PPARGC1A: variants seen among roughly 807,000 people sequenced by gnomAD.
PPARGC1A encodes the protein PPARG coactivator 1 alpha, also known as peroxisome proliferator-activated receptor gamma coactivator 1-alpha.
PPARGC1A carries 25 observed loss-of-function variants against 88.7 expected under a neutral mutation model. The observed-to-expected ratio is 0.28, with a 90% confidence interval of 0.21 to 0.39. The LOEUF (loss-of-function observed/expected upper bound fraction) is 0.39. Ranked by LOEUF, PPARGC1A falls within the 10% of genes least tolerant of loss-of-function variation. The pLI is 1.00. For synonymous variants in PPARGC1A, 363 were observed against 355.6 expected (o/e 1.02, Z -0.24); for missense variants, 880 against 968.7 (o/e 0.91, Z 1.22).
the PPARGC1A span, among the ~76,000 whole-genome samples, chr4:23,959,391 T>C: frequency 2.0e-5 from 3 of 152,280 alleles, no homozygotes; most frequent in South Asian, 2.1e-4. Flanking sequence ...CAGTACTTAT[T>C]ATGGCGTTAG....
chr4:23,886,856 TA>T (rs11332760), intron 1 of PPARGC1A, among the ~76,000 whole-genome samples: 40,759 of 136,166 alleles, frequency 0.3, 6,653 homozygotes, highest in East Asian at 0.7. Context: ...GCATAGTCTT[TA>T]AAAAAAAAAA....
At chr4:24,172,855 G>A in the PPARGC1A span, among the ~76,000 whole-genome samples, 1 of 152,024 alleles carries the variant, frequency 6.6e-6, no homozygotes, top group Non-Finnish European at 1.5e-5. Flanking sequence ...AGCCCTCTTG[G>A]CGACCTAAAA....
chr4:24,088,712 G>A, the PPARGC1A span, among the ~76,000 whole-genome samples: 7 of 152,186 alleles, frequency 4.6e-5, no homozygotes, highest in Non-Finnish European at 1.0e-4. Flanking sequence ...TAATGATTCA[G>A]AGATTGATTA....
the PPARGC1A span, among the ~76,000 whole-genome samples, chr4:24,281,706 A>T: frequency 6.6e-6 from 1 of 152,098 alleles, no homozygotes; most frequent in Non-Finnish European, 1.5e-5. Context: ...TCCCCTAATA[A>T]ACCAGAAGTT....
chr4:24,082,313 A>G, the PPARGC1A span, among the ~76,000 whole-genome samples: 1 of 152,144 alleles, frequency 6.6e-6, no homozygotes, highest in East Asian at 1.9e-4. Flanking sequence ...AGGAAGGATG[A>G]CCTATTTTAC....
chr4:24,027,196 A>AGTGTGTGTGTGTGTGTGT, the PPARGC1A span, among the ~76,000 whole-genome samples: 2,678 of 132,746 alleles, frequency 0.02, 48 homozygotes, highest in Middle Eastern at 0.045. Context: ...ACCTCAGGCT[A>AGTGTGTGTGTGTGTGTGT]GTGTGTGTGT....
the PPARGC1A span, among the ~76,000 whole-genome samples, chr4:23,910,847 G>T: frequency 1.3e-5 from 2 of 152,018 alleles, no homozygotes; most frequent in African/African-American, 4.8e-5. Context: ...CTGAGGCAGA[G>T]AATTAAGTAA....
At chr4:24,290,330 T>C in the PPARGC1A span, among the ~76,000 whole-genome samples, 37 of 152,266 alleles carry the variant, frequency 2.4e-4, no homozygotes, top group Non-Finnish European at 4.6e-4. Flanking sequence ...CCGAGCAGTA[T>C]ACACTGCACC....
At chr4:24,153,182 C>G in the PPARGC1A span, among the ~76,000 whole-genome samples, 2 of 152,132 alleles carry the variant, frequency 1.3e-5, no homozygotes, top group Non-Finnish European at 2.9e-5. Flanking sequence ...TGTACAATTG[C>G]TCTGTTTATA....
chr4:23,994,210 A>G, the PPARGC1A span, among the ~76,000 whole-genome samples: 48 of 152,210 alleles, frequency 3.2e-4, no homozygotes, highest in African/African-American at 1.0e-3. Flanking sequence ...TGCCCTGTCT[A>G]TGTAATTCCT....
chr4:24,265,514 G>A, the PPARGC1A span, among the ~76,000 whole-genome samples: 1 of 152,042 alleles, frequency 6.6e-6, no homozygotes, highest in African/African-American at 2.4e-5. Flanking sequence ...AAGTCACCCT[G>A]GGTTTTATTA....
chr4:24,470,200 C>A, the PPARGC1A span, among the ~76,000 whole-genome samples: 1 of 150,566 alleles, frequency 6.6e-6, no homozygotes, highest in Non-Finnish European at 1.5e-5. The surrounding 1 kb of genome is among the most constrained non-coding windows in gnomAD (Gnocchi z 5.8). Context: ...GTACCGGGTG[C>A]GTGGTTCAAG....
At chr4:24,228,346 C>G in the PPARGC1A span, among the ~76,000 whole-genome samples, 2 of 152,190 alleles carry the variant, frequency 1.3e-5, no homozygotes, top group African/African-American at 2.4e-5. Context: ...TTTGCAACAA[C>G]ATGGATGCAG....
At chr4:24,103,638 A>C in the PPARGC1A span, among the ~76,000 whole-genome samples, 1 of 149,924 alleles carries the variant, frequency 6.7e-6, no homozygotes, top group African/African-American at 2.5e-5. Flanking sequence ...ATGAACCGGA[A>C]TTATAGCTGC....
chr4:23,857,544 T>C (rs951267904), intron 2 of PPARGC1A, among the ~76,000 whole-genome samples: 2 of 151,806 alleles, frequency 1.3e-5, no homozygotes, highest in African/African-American at 4.8e-5. Context: ...CACTGTTTAG[T>C]TGGGAACAAG....
At chr4:24,306,820 A>G in the PPARGC1A span, among the ~76,000 whole-genome samples, 3 of 152,218 alleles carry the variant, frequency 2.0e-5, no homozygotes, top group African/African-American at 4.8e-5. Flanking sequence ...AGGAAGGTGG[A>G]ACAGCTAAAT....
chr4:24,393,848 G>A, the PPARGC1A span, among the ~76,000 whole-genome samples: 4 of 152,326 alleles, frequency 2.6e-5, no homozygotes, highest in African/African-American at 4.8e-5. Context: ...GCCGGGCATA[G>A]TGGCTCACAT....
chr4:24,203,011 C>T, the PPARGC1A span, among the ~76,000 whole-genome samples: 1 of 152,092 alleles, frequency 6.6e-6, no homozygotes, highest in East Asian at 1.9e-4. Context: ...GCTCTTTCTC[C>T]AGAAAGGTTT....
In PPARGC1A at chr4:23,813,896, T is replaced by C. The variant is rs1377190624; in HGVS notation, c.1587A>G (p.Gln529=). 6.2e-7 allele frequency: 1 copy of C among 1,613,826 alleles called. No individual in the cohort carries two copies. Among genetic ancestry groups the C allele is most frequent in the African/African-American group, 1.3e-5 (1 of 74,902 alleles). The change falls in exon 8 of 13, where the codon CAA becomes CAG. Residue 529 remains glutamine (Q), a synonymous_variant. Coordinates refer to ENST00000264867, the MANE Select transcript of PPARGC1A (RefSeq NM_013261.5). ...DKLSYPWDGT[Q]SYSLFNVSPS... The stretch of plus-strand genomic sequence containing the variant: ...GAGACACATTGAACAATGAATAGGA[T>C]TGCGTGCCATCCCAAGGGTAGCTCA...
Sources: allele counts gnomAD v4.1 joint callset (sites outside exome capture counted in the v4.1 genomes callset), GRCh38; gene constraint gnomAD v4.1.1; non-coding constraint Gnocchi (gnomAD v3.1); transcripts MANE v1.5; gene names NCBI Gene and HGNC (gene_info 2026-07-23, HGNC 2026-07-21).